Variants in SYT16 observed in about 807,000 individuals in gnomAD.
The protein encoded by SYT16 is synaptotagmin-16.
SYT16 carries 42 observed loss-of-function variants against 61.4 expected under a neutral mutation model. The ratio of observed to expected loss-of-function variants is 0.68; its 90% confidence interval spans 0.53 to 0.89. The LOEUF (loss-of-function observed/expected upper bound fraction) is 0.89. Ranked by LOEUF, SYT16 falls within the 40% of genes least tolerant of loss-of-function variation. The pLI, the probability that SYT16 is intolerant of heterozygous loss-of-function variation, is 0.00. For missense variants in SYT16, 804 were observed against 807.3 expected, an observed-to-expected ratio of 1.00 and a Z score of 0.05; for synonymous variants, 314 against 302.3, an observed-to-expected ratio of 1.04 and a Z score of -0.40.
chr14:62,011,941 A>G (rs932404839), intron 3 of SYT16, among the ~76,000 whole-genome samples: 2 of 148,736 alleles, frequency 1.3e-5, no homozygotes, highest in East Asian at 3.9e-4. Flanking sequence ...ATATATATAT[A>G]TTTGATGCTG....
At chr14:61,824,208 A>G (rs1217087660) in intron 1 of SYT16, among the ~76,000 whole-genome samples, 1 of 152,054 alleles carries the variant, frequency 6.6e-6, no homozygotes, top group Non-Finnish European at 1.5e-5. Context: ...TTTTATTCAT[A>G]TCTCCTATAT....
At chr14:61,921,626 C>G (rs2049338537) in intron 1 of SYT16, among the ~76,000 whole-genome samples, 1 of 152,212 alleles carries the variant, frequency 6.6e-6, no homozygotes. Flanking sequence ...GCTCTGAGCC[C>G]TGGTAGCTTT....
intron 1 of SYT16, among the ~76,000 whole-genome samples, chr14:61,873,570 A>G (rs2047397396): frequency 6.6e-6 from 1 of 152,226 alleles, no homozygotes; most frequent in African/African-American, 2.4e-5. Context: ...ACATTTATTC[A>G]TAGCCTAACT....
chr14:61,887,081 T>G (rs892699648), intron 1 of SYT16, among the ~76,000 whole-genome samples: 3 of 152,132 alleles, frequency 2.0e-5, no homozygotes, highest in African/African-American at 4.8e-5. Flanking sequence ...AAAATTGAAA[T>G]TCCTCCTTGA....
intron 5 of SYT16, among the ~76,000 whole-genome samples, chr14:62,078,155 C>CTCTATATATATATATA (rs766089633): frequency 2.9e-5 from 4 of 136,006 alleles, no homozygotes; most frequent in African/African-American, 1.1e-4. Flanking sequence ...CTCTCTCTCT[C>CTCTATATATATATATA]TATATATATA....
chr14:61,864,746 TG>T, intron 1 of SYT16: 2 of 989,642 alleles, frequency 2.0e-6, no homozygotes. Flanking sequence ...ACTCGCTACC[TG>T]GTTAATGACG....
intron 6 of SYT16, among the ~76,000 whole-genome samples, chr14:62,083,462 G>A (rs2056779153): frequency 6.6e-6 from 1 of 152,158 alleles, no homozygotes. Flanking sequence ...GCCCGTGCCT[G>A]GTGGGGAAGT....
intron 1 of SYT16, among the ~76,000 whole-genome samples, chr14:61,871,824 T>C (rs2047341615): frequency 6.6e-6 from 1 of 152,216 alleles, no homozygotes; most frequent in East Asian, 1.9e-4. Flanking sequence ...TCATAGCACA[T>C]TTTCTTTCAG....
At chr14:61,816,567 T>A (rs2045432914) in intron 1 of SYT16, among the ~76,000 whole-genome samples, 1 of 152,186 alleles carries the variant, frequency 6.6e-6, no homozygotes, top group African/African-American at 2.4e-5. Flanking sequence ...AATAATTAAT[T>A]CAAGCAAGAT....
At position 61,948,579 on chromosome 14, in the gene SYT16, C is replaced by T. The variant is rs558718991; in HGVS notation, c.-324-21553C>T. Among the ~76,000 whole-genome samples, 72 of 152,162 alleles carry T rather than the reference C, an allele frequency of 4.7e-4. No individual in the cohort carries two copies. The South Asian group carries it at 0.014, about 29-fold the overall frequency. ...TTCAGAGGACTTTTGAAGAGGAGAG[C>T]GAGTGAAGTCCCAGGCTTGATGATG... On this transcript the variant is annotated intron_variant, in intron 1 of 7. Coordinates refer to ENST00000683842, the MANE Select transcript of SYT16 (RefSeq NM_001367656.1).
chr14:62,035,274 G>T (rs1033927288), intron 3 of SYT16, among the ~76,000 whole-genome samples: 5 of 152,182 alleles, frequency 3.3e-5, no homozygotes, highest in Non-Finnish European at 5.9e-5. Flanking sequence ...AGGGCATGTA[G>T]CCCAGTTGTT....
intron 3 of SYT16, among the ~76,000 whole-genome samples, chr14:62,028,288 T>TATA (rs1464842768): frequency 2.6e-5 from 4 of 152,342 alleles, no homozygotes; most frequent in African/African-American, 9.6e-5. Context: ...TGACAATGAT[T>TATA]ATAATCACTA....
At chr14:61,995,838 A>G in intron 2 of SYT16, 38 bp from the exon 3 acceptor site, 1 of 589,840 alleles carries the variant, frequency 1.7e-6, no homozygotes. Context: ...TGAGGTTGTA[A>G]CTTTAACAGG....
At chr14:62,029,757 C>T (rs1021938130) in intron 3 of SYT16, among the ~76,000 whole-genome samples, 7 of 150,488 alleles carry the variant, frequency 4.7e-5, no homozygotes, top group Non-Finnish European at 7.4e-5. Flanking sequence ...CCTCTGACCT[C>T]GCTTTTGATG....
intron 3 of SYT16, among the ~76,000 whole-genome samples, chr14:62,040,436 T>C (rs140512905): frequency 2.0e-3 from 298 of 152,324 alleles, no homozygotes; most frequent in African/African-American, 6.8e-3. Context: ...TTTATCCACA[T>C]AGTGATTTCA....
At chr14:61,993,841 T>C (rs2052656138) in intron 2 of SYT16, among the ~76,000 whole-genome samples, 1 of 152,182 alleles carries the variant, frequency 6.6e-6, no homozygotes, top group Admixed American at 6.5e-5. Context: ...TGTTGTTTTT[T>C]GCATGATTTT....
intron 1 of SYT16, among the ~76,000 whole-genome samples, chr14:61,841,808 G>A (rs1486911141): frequency 1.3e-5 from 2 of 152,070 alleles, no homozygotes; most frequent in East Asian, 3.8e-4. Context: ...TTAAGATAAT[G>A]GCCTCCAGTT....
At chr14:62,010,801 G>T (rs549635577) in intron 3 of SYT16, among the ~76,000 whole-genome samples, 1 of 152,038 alleles carries the variant, frequency 6.6e-6, no homozygotes, top group African/African-American at 2.4e-5. Context: ...TGTAATATCA[G>T]AGCCTATTTC....
intron 1 of SYT16, among the ~76,000 whole-genome samples, chr14:61,934,225 A>T (rs1336705371): frequency 6.6e-6 from 1 of 152,078 alleles, no homozygotes; most frequent in Non-Finnish European, 1.5e-5. Context: ...TTTCATTTTG[A>T]CATTTAGTTG....
Sources: allele counts gnomAD v4.1 joint callset (sites outside exome capture counted in the v4.1 genomes callset), GRCh38; gene constraint gnomAD v4.1.1; transcripts MANE v1.5; gene names NCBI Gene and HGNC (gene_info 2026-07-23, HGNC 2026-07-21).